CUX2: variants seen among roughly 807,000 people sequenced by gnomAD.
CUX2 encodes the protein homeobox protein cut-like 2.
In CUX2, 40 loss-of-function variants were observed where a neutral mutation model predicts 144.8. The observed-to-expected ratio is 0.28, with a 90% CI of 0.21 to 0.36. CUX2 has a LOEUF of 0.36. Among genes scored for constraint, CUX2 ranks in the 10% least tolerant of loss-of-function variants. CUX2 has a pLI of 1.00. For synonymous variants in CUX2, 827 were observed against 875.6 expected (o/e 0.94, Z 0.98); for missense variants, 1,615 against 1,994.0 (o/e 0.81, Z 3.62).
chr12:111,337,916 T>C (rs2136440265), intron 19 of CUX2, among the ~76,000 whole-genome samples: 1 of 151,946 alleles, frequency 6.6e-6, no homozygotes, highest in South Asian at 2.1e-4. Context: ...GTGCCTGTAA[T>C]CCCAGCTACT....
intron 1 of CUX2, among the ~76,000 whole-genome samples, chr12:111,131,528 A>G (rs1484711710): frequency 2.6e-5 from 4 of 152,220 alleles, no homozygotes; most frequent in Non-Finnish European, 5.9e-5. Flanking sequence ...TCCACAGTCC[A>G]AAGTCTCATC....
At chr12:111,266,797 C>T (rs933701600) in intron 4 of CUX2, among the ~76,000 whole-genome samples, 1 of 152,210 alleles carries the variant, frequency 6.6e-6, no homozygotes, top group East Asian at 1.9e-4. Context: ...GCTTGCCCTC[C>T]GACAGCGTGT....
intron 1 of CUX2, among the ~76,000 whole-genome samples, chr12:111,148,825 C>G (rs1471007362): frequency 6.6e-6 from 1 of 152,080 alleles, no homozygotes; most frequent in Non-Finnish European, 1.5e-5. Flanking sequence ...AGTGAGACCC[C>G]TTCTCTAAAA....
rs1236231917 is a variant in CUX2 at position 111,295,749 on chromosome 12, C to T, written c.637+340C>T. 1.5e-5 allele frequency among the ~76,000 whole-genome samples: 2 copies of T among 137,416 alleles called. No homozygotes were observed. Among genetic ancestry groups the T allele is most frequent in the African/African-American group, 5.9e-5 (2 of 33,992 alleles). 90.2% of individuals were successfully genotyped at this position (137,416 alleles called of 152,430 possible). A position where few individuals can be genotyped will look rare whatever the true frequency, so the allele number is the denominator to read the frequency against. On this transcript the variant is annotated intron_variant, in intron 7 of 21. Coordinates refer to ENST00000261726, the MANE Select transcript of CUX2 (RefSeq NM_015267.4). The surrounding 1 kb of genome is among the most constrained non-coding windows in gnomAD (Gnocchi z 5.0). ...CCTGGGCAACATGGCAAGACCCTGT[C>T]TCTAATTAATTAATTAATTAATTAA...
At position 111,178,700 on chromosome 12, in the gene CUX2, G is replaced by A. The variant is rs1053862424; in HGVS notation, c.64-35500G>A. 9.2e-5 allele frequency among the ~76,000 whole-genome samples: 14 copies of A among 152,224 alleles called. No homozygotes were observed. The highest frequency in any genetic ancestry group is 1.3e-4 in the Admixed American group (2 of 15,290). On this transcript the variant is annotated intron_variant, in intron 1 of 21. Coordinates refer to ENST00000261726, the MANE Select transcript of CUX2 (RefSeq NM_015267.4). The surrounding 1 kb of genome is among the most constrained non-coding windows in gnomAD (Gnocchi z 5.7). ...GCTGGGTACACAGGTGAACAAGACC[G>A]AGTCAGGGTTTAATGAGGGAGATGG... is the stretch of plus-strand genomic sequence containing the variant.
rs1248622284 is a variant in CUX2 at position 111,289,440 on chromosome 12, G to T, written c.302-1978G>T. Among the ~76,000 whole-genome samples, 1 of 152,182 alleles carries T rather than the reference G, an allele frequency of 6.6e-6. No individual in the cohort carries two copies. Among genetic ancestry groups the T allele is most frequent in the Non-Finnish European group, 1.5e-5 (1 of 68,020 alleles). The stretch of plus-strand genomic sequence containing the variant: ...CTTGGATCCAAGCCAGCCTCCAGGG[G>T]ATGCCGTGAGGATGCTGGGAAGCCA... On this transcript the variant is annotated intron_variant, in intron 4 of 21. Transcript: ENST00000261726. This position sits in a 1 kb window ranked among gnomAD's most constrained non-coding sequence, Gnocchi z 4.1.
At chr12:111,210,125 G>A (rs913208455) in intron 1 of CUX2, among the ~76,000 whole-genome samples, 1 of 152,174 alleles carries the variant, frequency 6.6e-6, no homozygotes, top group Non-Finnish European at 1.5e-5. Flanking sequence ...TGTGTGTGTG[G>A]TAGTTTGGAC....
At chr12:111,063,301 G>A (rs1319085305) in intron 1 of CUX2, among the ~76,000 whole-genome samples, 1 of 152,174 alleles carries the variant, frequency 6.6e-6, no homozygotes, top group Non-Finnish European at 1.5e-5. Context: ...GTGAAAAAGA[G>A]AAGGATCCAA....
rs546991355 is a variant in CUX2 at position 111,037,064 on chromosome 12, G to A, written c.63+2824G>A. Among the ~76,000 whole-genome samples, 27 of 152,314 alleles carry A rather than the reference G, an allele frequency of 1.8e-4. No homozygotes were observed. Among genetic ancestry groups the A allele is most frequent in the African/African-American group, 6.3e-4 (26 of 41,536 alleles). On this transcript the variant is annotated intron_variant, in intron 1 of 21. Coordinates refer to ENST00000261726, the MANE Select transcript of CUX2 (RefSeq NM_015267.4). This position sits in a 1 kb window ranked among gnomAD's most constrained non-coding sequence, Gnocchi z 5.4. ...CCCTCCCCTACTTTCCTCTTATAGGGGAGATAGCCAGAAAGGAGAACTTCT... is the reference window on the plus strand; with the variant it reads ...CCCTCCCCTACTTTCCTCTTATAGGAGAGATAGCCAGAAAGGAGAACTTCT...
chr12:111,126,044 T>TGG (rs200064865), intron 1 of CUX2, among the ~76,000 whole-genome samples: 21 of 130,818 alleles, frequency 1.6e-4, no homozygotes, highest in South Asian at 9.3e-4. Flanking sequence ...GGTGGTGGCG[T>TGG]GGGGGGGGCG....
chr12:111,268,980 G>A (rs1446065101), intron 4 of CUX2, among the ~76,000 whole-genome samples: 1 of 152,136 alleles, frequency 6.6e-6, no homozygotes, highest in African/African-American at 2.4e-5. Flanking sequence ...TGTGCTTTCA[G>A]GCTCAAAGAC....
intron 21 of CUX2, 36 bp from the exon 22 acceptor site, chr12:111,347,488 T>C (rs374960287): frequency 1.1e-5 from 17 of 1,538,840 alleles, no homozygotes; most frequent in Middle Eastern, 2.2e-4. Context: ...GGGAGTCCCC[T>C]GTCCAGCCCC....
chr12:111,199,297 G>A (rs983586609), intron 1 of CUX2, among the ~76,000 whole-genome samples: 13 of 152,154 alleles, frequency 8.5e-5, no homozygotes, highest in East Asian at 7.7e-4. Flanking sequence ...AGCAGGATTC[G>A]AACTCGGGCT....
chr12:111,239,695 G>A (rs953605059), intron 3 of CUX2, among the ~76,000 whole-genome samples: 24 of 152,226 alleles, frequency 1.6e-4, no homozygotes, highest in African/African-American at 5.8e-4. Context: ...GGGAGAGAGG[G>A]AAAAGCCATT....
rs544522954 is a variant in CUX2, at chr12:111,254,972, C to T, written c.223-8789C>T. Among the ~76,000 whole-genome samples, 20 of 152,282 alleles carry T rather than the reference C, an allele frequency of 1.3e-4. No individual in the cohort carries two copies. The South Asian group carries it at 4.2e-3, about 32-fold the overall frequency. On this transcript the variant is annotated intron_variant, in intron 3 of 21. Coordinates refer to ENST00000261726, the MANE Select transcript of CUX2 (RefSeq NM_015267.4). ...TCAAGAGATTCTACTGCCTTAGCCT[C>T]CTGAGTAGCTGAGATTACAGGTACT...
chr12:111,203,763 C>A (rs1880755187), intron 1 of CUX2, among the ~76,000 whole-genome samples: 1 of 151,806 alleles, frequency 6.6e-6, no homozygotes. Context: ...GGGGAAGGGG[C>A]TGTAGGAGGG....
chr12:111,228,373 C>A (rs1057317118), intron 3 of CUX2, among the ~76,000 whole-genome samples: 3 of 152,074 alleles, frequency 2.0e-5, no homozygotes, highest in African/African-American at 7.2e-5. Flanking sequence ...TAGGAAAATC[C>A]GGCTCTGCAT....
chr12:111,051,747 G>A (rs1288684260), intron 1 of CUX2, among the ~76,000 whole-genome samples: 1 of 151,950 alleles, frequency 6.6e-6, no homozygotes, highest in East Asian at 1.9e-4. Flanking sequence ...TATTGCTATG[G>A]TAGAATTTAT....
At chr12:111,121,569 C>T (rs1375112110) in intron 1 of CUX2, among the ~76,000 whole-genome samples, 1 of 151,602 alleles carries the variant, frequency 6.6e-6, no homozygotes. Flanking sequence ...ATCATGTTGG[C>T]CAGGCTGGTC....
Sources: allele counts gnomAD v4.1 joint callset (sites outside exome capture counted in the v4.1 genomes callset), GRCh38; gene constraint gnomAD v4.1.1; non-coding constraint Gnocchi (gnomAD v3.1); transcripts MANE v1.5; gene names NCBI Gene and HGNC (gene_info 2026-07-23, HGNC 2026-07-21).